SLC25A12: variants seen among roughly 807,000 people sequenced by gnomAD.
SLC25A12 encodes the protein solute carrier family 25 member 12, also known as electrogenic aspartate/glutamate antiporter SLC25A12, mitochondrial.
Under a neutral mutation model 83.3 loss-of-function variants are expected in SLC25A12, and 32 were observed. The ratio of observed to expected loss-of-function variants is 0.38; its 90% confidence interval spans 0.29 to 0.52. The LOEUF is 0.52. Ranked by LOEUF, SLC25A12 falls within the 20% of genes least tolerant of loss-of-function variation. The pLI is 0.84. For missense variants in SLC25A12, 611 were observed against 835.6 expected (o/e 0.73, Z 3.31); for synonymous variants, 267 against 291.1 (o/e 0.92, Z 0.84).
At chr2:171,849,974 T>C (rs1419911787) in intron 4 of SLC25A12, among the ~76,000 whole-genome samples, 3 of 150,798 alleles carry the variant, frequency 2.0e-5, no homozygotes, top group Non-Finnish European at 4.4e-5. Context: ...GCTAATTTTT[T>C]TGTATTTTTA....
chr2:171,888,263 T>A (rs931260467), intron 2 of SLC25A12, among the ~76,000 whole-genome samples: 1 of 151,488 alleles, frequency 6.6e-6, no homozygotes, highest in African/African-American at 2.4e-5. Flanking sequence ...CCCAGCTAAA[T>A]CTATATACAT....
rs1202899910 is a variant in SLC25A12, at chr2:171,826,854, T to G, written c.874A>C (p.Ile292Leu). 1.2e-6 allele frequency: 2 copies of G among 1,611,168 alleles called. No individual in the cohort carries two copies. Among genetic ancestry groups the G allele is most frequent in the East Asian group, 2.2e-5 (1 of 44,870 alleles). Reference protein sequence around the residue: ...GRLTLADIERIAPLAEGALPY... With the variant: ...GRLTLADIERLAPLAEGALPY... ...AAGGCCCCCTCAGCCAATGGGGCTA[T>G]TCTCTCAATATCTGCCAAAGTCAAG... The change falls in exon 9 of 18, where the codon ATA (isoleucine) becomes CTA (leucine). Residue 292 changes from isoleucine (I) to leucine (L), a missense_variant. By Grantham distance (5) the Ile-to-Leu change is conservative. This residue lies in a region of SLC25A12 where 540 missense variants were observed against 777.5 expected (regional missense o/e 0.69). Coordinates refer to ENST00000422440, the MANE Select transcript of SLC25A12 (RefSeq NM_003705.5).
At chr2:171,837,321 A>G (rs992683419) in intron 5 of SLC25A12, 54 bp from the exon 6 acceptor site, 36 of 1,586,952 alleles carry the variant, frequency 2.3e-5, no homozygotes, top group Non-Finnish European at 2.9e-5. Context: ...TTCCAAGTAC[A>G]TGGTTTGGAA....
chr2:171,817,600 C>CAAAAA lies in SLC25A12; in HGVS notation c.931-2403_931-2399dup, dbSNP rs71013076. Among the ~76,000 whole-genome samples, 321 of 64,026 alleles carry CAAAAA rather than the reference C, an allele frequency of 5.0e-3. 28 individuals carry two copies. Among genetic ancestry groups the CAAAAA allele is most frequent in the East Asian group, 0.012 (21 of 1,826 alleles). The allele number at this position is 64,026 out of a possible 152,430, so 42.0% of individuals were successfully genotyped here. ...TGAGTGACAGAGCAAGACTCTGCCT[C>CAAAAA]AAAAAAAAAAAAAAAAAAAAAAATG... is the stretch of plus-strand genomic sequence containing the variant. On this transcript the variant is annotated intron_variant, in intron 9 of 17. Transcript: ENST00000422440.
At chr2:171,850,339 T>C (rs1483846843) in intron 4 of SLC25A12, among the ~76,000 whole-genome samples, 2,974 of 18,396 alleles carry the variant, frequency 0.16, 84 homozygotes, top group Non-Finnish European at 0.31. Context: ...TGGTCTTTGT[T>C]TTTTTTTTTT....
At chr2:171,853,869 A>T (rs1052393568) in intron 4 of SLC25A12, among the ~76,000 whole-genome samples, 1 of 152,228 alleles carries the variant, frequency 6.6e-6, no homozygotes, top group Non-Finnish European at 1.5e-5. Context: ...ATTTTATAAT[A>T]ATCGAAACTG....
rs370591049 is a variant in SLC25A12 at position 171,813,322 on chromosome 2, G to C, written c.1171+17C>G. On this transcript the variant is annotated intron_variant, in intron 11 of 17. Transcript: ENST00000422440. The stretch of plus-strand genomic sequence containing the variant: ...GATCAAATCACTAACTTCAGCAGCT[G>C]GGATTTGCTTACTCACCCCTGTAGA... 8.6e-5 allele frequency: 139 copies of C among 1,613,514 alleles called. 1 individual carries two copies. Among genetic ancestry groups the C allele is most frequent in the African/African-American group, 1.3e-4 (10 of 74,898 alleles).
chr2:171,889,822 C>CTGAATTAAT (rs548898141), intron 2 of SLC25A12, among the ~76,000 whole-genome samples: 152 of 151,980 alleles, frequency 1.0e-3, no homozygotes, highest in Middle Eastern at 3.4e-3. Flanking sequence ...ACCACATAGT[C>CTGAATTAAT]TGACATTAAT....
At chr2:171,808,669 C>T (rs1462113682) in intron 13 of SLC25A12, among the ~76,000 whole-genome samples, 1 of 152,098 alleles carries the variant, frequency 6.6e-6, no homozygotes, top group African/African-American at 2.4e-5. Context: ...TTAGGAGCAT[C>T]AAAGAGATAG....
In SLC25A12 at chr2:171,848,907, C is replaced by T. The variant is rs138356863; in HGVS notation, c.326-4399G>A. On this transcript the variant is annotated intron_variant, in intron 4 of 17. Transcript: ENST00000422440. ...AGATGAGTTCATATTTAAAGACTAT[C>T]GGTTGGGCGTGGTGGCTCACGCCTA... 3.0e-3 allele frequency among the ~76,000 whole-genome samples: 450 copies of T among 152,276 alleles called. 2 individuals are homozygous for T. Among genetic ancestry groups the T allele is most frequent in the Middle Eastern group, 0.01 (3 of 294 alleles).
At chr2:171,813,266 T>C in intron 11 of SLC25A12, 73 bp downstream of exon 11, 3 of 1,524,684 alleles carry the variant, frequency 2.0e-6, no homozygotes, top group Non-Finnish European at 2.7e-6. Context: ...TTGGCTTCCA[T>C]AATTAGTGAG....
intron 17 of SLC25A12, 82 bp downstream of exon 17, chr2:171,787,489 G>C: frequency 9.2e-7 from 1 of 1,083,986 alleles, no homozygotes; most frequent in Non-Finnish European, 1.4e-6. Flanking sequence ...TCTAAGAGTT[G>C]CAACAATGCT....
At chr2:171,805,629 A>G (rs1432113204) in intron 13 of SLC25A12, among the ~76,000 whole-genome samples, 3 of 152,210 alleles carry the variant, frequency 2.0e-5, no homozygotes, top group Non-Finnish European at 4.4e-5. Flanking sequence ...TAATGAGATA[A>G]TCCCTATAAA....
At chr2:171,817,454 T>C (rs571580880) in intron 9 of SLC25A12, among the ~76,000 whole-genome samples, 20 of 151,688 alleles carry the variant, frequency 1.3e-4, no homozygotes, top group Admixed American at 1.2e-3. Context: ...ATACAAAAAT[T>C]AGTCAGGTAT....
chr2:171,832,972 C>G (rs759544299), intron 8 of SLC25A12, among the ~76,000 whole-genome samples: 1 of 152,168 alleles, frequency 6.6e-6, no homozygotes, highest in Non-Finnish European at 1.5e-5. Context: ...TCATAGGGCT[C>G]CTGGTCAAGG....
intron 8 of SLC25A12, among the ~76,000 whole-genome samples, 195 bp from the exon 9 acceptor site, chr2:171,827,077 A>G (rs1684318012): frequency 6.6e-6 from 1 of 152,230 alleles, no homozygotes; most frequent in Non-Finnish European, 1.5e-5. Context: ...AAGACTCCAG[A>G]GAAATAATGT....
intron 4 of SLC25A12, among the ~76,000 whole-genome samples, chr2:171,845,381 C>T (rs772403169): frequency 6.7e-6 from 1 of 149,810 alleles, no homozygotes; most frequent in Non-Finnish European, 1.5e-5. Context: ...GAAGCTCATG[C>T]CAAAAAAAAA....
rs971984333 is a variant in SLC25A12, at chr2:171,812,792, G to T, written c.1171+547C>A. On this transcript the variant is annotated intron_variant, in intron 11 of 17. Transcript: ENST00000422440. The stretch of plus-strand genomic sequence containing the variant: ...GCAAGAATTAGACTTGGAACCAAAG[G>T]GTTTTCCTTTTTTTTTTTTTTTTTA... Among the ~76,000 whole-genome samples, 18 of 115,092 alleles carry T rather than the reference G, an allele frequency of 1.6e-4. 2 individuals carry two copies. Among genetic ancestry groups the T allele is most frequent in the African/African-American group, 5.4e-4 (18 of 33,358 alleles). The allele number at this position is 115,092 out of a possible 152,430, so 75.5% of individuals were successfully genotyped here.
intron 13 of SLC25A12, among the ~76,000 whole-genome samples, chr2:171,802,161 A>G (rs1000011185): frequency 2.0e-5 from 3 of 152,152 alleles, no homozygotes; most frequent in Admixed American, 1.3e-4. Context: ...AGGGTCAAGC[A>G]ATTTTAAAAA....
Sources: gnomAD v4.1 joint callset for allele counts (sites outside exome capture counted in the v4.1 genomes callset) on GRCh38, gnomAD v4.1.1 for gene constraint, gnomAD v4.1.1 regional missense constraint, MANE v1.5 for transcripts, NCBI Gene and HGNC (gene_info 2026-07-23, HGNC 2026-07-21) for gene names.